PTPA: variants seen among roughly 807,000 people sequenced by gnomAD.
PTPA encodes protein phosphatase 2 phosphatase activator.
Under a neutral mutation model 43.6 loss-of-function variants are expected in PTPA, and 13 were observed. That is an observed-to-expected ratio of 0.30 (90% CI 0.19 to 0.47). PTPA has a LOEUF of 0.47. Ranked by LOEUF, PTPA falls within the 20% of genes least tolerant of loss-of-function variation. PTPA has a pLI of 0.99. For synonymous variants in PTPA, 172 were observed against 158.2 expected (o/e 1.09, Z -0.66); for missense variants, 329 against 411.9 (o/e 0.80, Z 1.74).
intron 4 of PTPA, among the ~76,000 whole-genome samples, chr9:129,131,095 C>G (rs1849933156): frequency 1.1e-5 from 1 of 93,532 alleles, no homozygotes; most frequent in Non-Finnish European, 2.9e-5. Context: ...TTTGGCTACT[C>G]TAAACAGTGC....
At chr9:129,117,194 G>A (rs1848936440) in intron 1 of PTPA, among the ~76,000 whole-genome samples, 1 of 151,532 alleles carries the variant, frequency 6.6e-6, no homozygotes, top group African/African-American at 2.4e-5. Flanking sequence ...CTACAGGTGT[G>A]CACCACTACA....
intron 7 of PTPA, 23 bp from the exon 8 acceptor site, chr9:129,137,569 C>T (rs770729655): frequency 6.3e-7 from 1 of 1,585,826 alleles, no homozygotes; most frequent in Admixed American, 1.7e-5. Context: ...GTTCTGAATG[C>T]TGGGGCCCAT....
At chr9:129,120,439 A>AAG in intron 1 of PTPA, 74 bp from the exon 2 acceptor site, 3 of 928,454 alleles carry the variant, frequency 3.2e-6, no homozygotes, top group Non-Finnish European at 4.8e-6. Context: ...AAAAAAAAAA[A>AAG]GGTGAAAGGG....
chr9:129,145,872 G>A (rs925320291), intron 9 of PTPA, among the ~76,000 whole-genome samples: 3 of 152,206 alleles, frequency 2.0e-5, no homozygotes, highest in East Asian at 1.9e-4. Context: ...CCGCTGCTCC[G>A]CCCAGGTACA....
intron 9 of PTPA, 148 bp downstream of exon 9, chr9:129,142,700 G>A: frequency 1.3e-6 from 2 of 1,543,036 alleles, no homozygotes; most frequent in Non-Finnish European, 1.7e-6. Context: ...TCTGACACTT[G>A]GGGCCTCGGA....
upstream of PTPA, chr9:129,111,231 T>C: frequency 8.8e-7 from 1 of 1,142,548 alleles, no homozygotes. Context: ...CAACCCAAAC[T>C]TGACGCCCCG....
intron 2 of PTPA, among the ~76,000 whole-genome samples, chr9:129,121,633 A>G (rs1193659943): frequency 6.6e-6 from 1 of 152,136 alleles, no homozygotes; most frequent in Non-Finnish European, 1.5e-5. Context: ...GCCATGTAGG[A>G]CGTTTACTAA....
At chr9:129,111,163 A>G, upstream of PTPA, 1 of 1,193,214 alleles carries the variant, frequency 8.4e-7, no homozygotes, top group Non-Finnish European at 1.1e-6. Context: ...TACCACCCAC[A>G]AAGATGACAG....
chr9:129,117,471 T>C (rs1448848429), intron 1 of PTPA, among the ~76,000 whole-genome samples: 1 of 151,534 alleles, frequency 6.6e-6, no homozygotes, highest in Non-Finnish European at 1.5e-5. Context: ...TGGCGTGATC[T>C]TGGCTCACTG....
chr9:129,140,324 G>C (rs1425987636), intron 8 of PTPA, among the ~76,000 whole-genome samples: 1 of 152,122 alleles, frequency 6.6e-6, no homozygotes, highest in Non-Finnish European at 1.5e-5. Flanking sequence ...CCACTCGTCT[G>C]TTTTCCTTTG....
intron 6 of PTPA, 101 bp from the exon 7 acceptor site, chr9:129,136,370 T>G: frequency 7.6e-7 from 1 of 1,308,146 alleles, no homozygotes; most frequent in Non-Finnish European, 1.0e-6. Context: ...TTAACACTCT[T>G]CAGTGGTTAT....
At chr9:129,140,412 C>T (rs1269255717) in intron 8 of PTPA, among the ~76,000 whole-genome samples, 5 of 152,198 alleles carry the variant, frequency 3.3e-5, no homozygotes, top group Non-Finnish European at 5.9e-5. Context: ...CTGGGGGCAG[C>T]CTGCAGCCCC....
Position 129,143,044 on chromosome 9 carries a change from C to A in PTPA, c.894+492C>A, listed in dbSNP as rs1851008779. ...CGAGAATTGGCATTTTTATGGACCG[C>A]TTCAGGGATTTTGATGCAAATGGTT... is the stretch of plus-strand genomic sequence containing the variant. On this transcript the variant is annotated intron_variant, in intron 9 of 9. Coordinates refer to ENST00000393370, the MANE Select transcript of PTPA (RefSeq NM_178000.3). The A allele has an allele frequency of 3.6e-6, 3 of 839,458 alleles. No individual in the cohort carries two copies. The African/African-American group carries it at 5.1e-5, about 14-fold the overall frequency. 52.0% of individuals were successfully genotyped at this position (839,458 alleles called of 1,614,324 possible).
intron 1 of PTPA, among the ~76,000 whole-genome samples, chr9:129,117,443 G>T (rs1848949920): frequency 6.6e-6 from 1 of 151,602 alleles, no homozygotes; most frequent in Non-Finnish European, 1.5e-5. Context: ...TTGCTGTGTT[G>T]CCCAGGCTGG....
chr9:129,137,759 C>A, intron 8 of PTPA, 67 bp downstream of exon 8: 1 of 1,393,500 alleles, frequency 7.2e-7, no homozygotes, highest in Non-Finnish European at 1.0e-6. Flanking sequence ...AGGCTGGTGG[C>A]CTTACAGTGG....
chr9:129,116,996 A>C (rs1405536405), intron 1 of PTPA, among the ~76,000 whole-genome samples: 1 of 152,014 alleles, frequency 6.6e-6, no homozygotes, highest in African/African-American at 2.4e-5. Context: ...AAGTTATGAA[A>C]ATTTCCATTA....
At chr9:129,116,681 G>A (rs867694340) in intron 1 of PTPA, among the ~76,000 whole-genome samples, 2 of 151,950 alleles carry the variant, frequency 1.3e-5, no homozygotes, top group Non-Finnish European at 1.5e-5. Flanking sequence ...CACTGTGCCC[G>A]GCCACACCCG....
chr9:129,123,270 G>A lies in PTPA; in HGVS notation c.216+132G>A, dbSNP rs369091862. On this transcript the variant is annotated intron_variant, in intron 3 of 9. Transcript: ENST00000393370. ...AGGCGGCTCACGAGGTCAGGAGATC[G>A]AGACCATCCTGGCCAACATGTGAAA... 540 of 663,252 alleles carry A rather than the reference G, an allele frequency of 8.1e-4. 4 individuals are homozygous for A. Among genetic ancestry groups the A allele is most frequent in the Middle Eastern group, 4.7e-3 (11 of 2,316 alleles). The allele number at this position is 663,252 out of a possible 1,614,324, so 41.1% of individuals were successfully genotyped here. A position where few individuals can be genotyped will look rare whatever the true frequency, so the allele number is the denominator to read the frequency against.
In PTPA at chr9:129,136,738, A is replaced by G. The variant is rs763819967; in HGVS notation, c.685+143A>G. On this transcript the variant is annotated intron_variant, in intron 7 of 9. Coordinates refer to ENST00000393370, the MANE Select transcript of PTPA (RefSeq NM_178000.3). Reference sequence around the variant, plus strand: ...AGCTTGGAAAGCAGGGCATTAGACCAGCTATTGAGGGAGGCTGTTTACTGT... The same window carrying G: ...AGCTTGGAAAGCAGGGCATTAGACCGGCTATTGAGGGAGGCTGTTTACTGT... The G allele has an allele frequency of 3.8e-4, 431 of 1,133,066 alleles. 1 individual carries two copies. The highest frequency in any genetic ancestry group is 4.7e-4 in the Non-Finnish European group (391 of 836,324). The allele number at this position is 1,133,066 out of a possible 1,614,324, so 70.2% of individuals were successfully genotyped here. A position where few individuals can be genotyped will look rare whatever the true frequency, so the allele number is the denominator to read the frequency against.
Sources: allele counts gnomAD v4.1 joint callset (sites outside exome capture counted in the v4.1 genomes callset), GRCh38; gene constraint gnomAD v4.1.1; transcripts MANE v1.5; gene names NCBI Gene and HGNC (gene_info 2026-07-23, HGNC 2026-07-21).